The following GLYR1 variants were observed in gnomAD, a reference collection of about 807,000 sequenced individuals.
The protein encoded by GLYR1 is cytokine-like nuclear factor N-PAC.
Under a neutral mutation model 72.7 loss-of-function variants are expected in GLYR1, and 21 were observed. The observed-to-expected ratio is 0.29, with a 90% CI of 0.20 to 0.42. GLYR1 has a LOEUF of 0.42. Among genes scored for constraint, GLYR1 ranks in the 10% least tolerant of loss-of-function variants. The pLI is 1.00. For missense variants in GLYR1, 594 were observed against 712.1 expected (o/e 0.83, Z 1.89); for synonymous variants, 392 against 270.2 (o/e 1.45, Z -4.42).
Position 4,811,221 on chromosome 16 carries a change from C to A in GLYR1, c.1536G>T (p.Ala512=), listed in dbSNP as rs375088153. 19 of 1,614,176 alleles carry A rather than the reference C, an allele frequency of 1.2e-5. No homozygotes were observed. Among genetic ancestry groups the A allele is most frequent in the Non-Finnish European group, 1.5e-5 (18 of 1,180,022 alleles). ...TCGGATGGTTGACCGCATCACCCAG[C>A]GCAATGGCTAAGCGGAGATCCTTCT... ...YIQKDLRLAI[A]LGDAVNHPTP... Residue 512 remains alanine (A), a synonymous_variant, in exon 15 of 16, where the codon GCG becomes GCT. Transcript: ENST00000321919.
chr16:4,808,294 A>G (rs1399060590), intron 15 of GLYR1, among the ~76,000 whole-genome samples: 1 of 151,318 alleles, frequency 6.6e-6, no homozygotes, highest in Non-Finnish European at 1.5e-5. Flanking sequence ...ATGAAAAGCC[A>G]GGTGTCAAAA....
intron 14 of GLYR1, 79 bp downstream of exon 14, chr16:4,811,544 C>A (rs2083322886): frequency 1.3e-6 from 2 of 1,543,360 alleles, no homozygotes; most frequent in Non-Finnish European, 8.9e-7. Context: ...GGGCATCTTT[C>A]ACGCTCACTA....
At chr16:4,813,900 C>T (rs1231221944) in intron 11 of GLYR1, 62 bp from the exon 12 acceptor site, 2 of 1,278,852 alleles carry the variant, frequency 1.6e-6, no homozygotes, top group Non-Finnish European at 2.2e-6. Flanking sequence ...AGGAGCCCTA[C>T]AGACCTCAGA....
rs766547217 is a variant in GLYR1 at position 4,823,808 on chromosome 16, G to C, written c.624+13C>G. The stretch of plus-strand genomic sequence containing the variant: ...AAGCCACAGCTTGTCCTGCCTGCAG[G>C]AGAGCTCCTTACCTCGCTTGCGGTT... On this transcript the variant is annotated intron_variant, in intron 6 of 15. Coordinates refer to ENST00000321919, the MANE Select transcript of GLYR1 (RefSeq NM_032569.4). The C allele has an allele frequency of 6.2e-7, 1 of 1,611,914 alleles. No individual in the cohort carries two copies. Among genetic ancestry groups the C allele is most frequent in the Non-Finnish European group, 8.5e-7 (1 of 1,178,658 alleles).
intron 12 of GLYR1, 123 bp from the exon 13 acceptor site, chr16:4,812,371 C>A: frequency 9.7e-7 from 1 of 1,033,318 alleles, no homozygotes; most frequent in Non-Finnish European, 1.4e-6. Context: ...AGGGGACGGC[C>A]ACCCATACCA....
chr16:4,832,284 A>C, intron 4 of GLYR1, 63 bp from the exon 5 acceptor site: 1 of 1,590,926 alleles, frequency 6.3e-7, no homozygotes, highest in Non-Finnish European at 8.6e-7. Flanking sequence ...CGCCACCATC[A>C]TTTACAGGTG....
intron 13 of GLYR1, 38 bp from the exon 14 acceptor site, chr16:4,811,840 T>G (rs774376541): frequency 1.1e-5 from 17 of 1,590,008 alleles, no homozygotes; most frequent in Admixed American, 1.7e-5. Flanking sequence ...AGCCCAAGAA[T>G]GCCACAGACA....
In GLYR1 at chr16:4,832,230, T is replaced by TTAA; in HGVS notation, c.295-12_295-10dup. ...GAATTGTGGGATGACGTCTGAAAGT[T>TTAA]TAATAATAATAATGATAACTACCAC... On this transcript the variant is annotated splice_polypyrimidine_tract_variant and intron_variant, in intron 4 of 15. Transcript: ENST00000321919. 5 of 1,613,460 alleles carry TTAA rather than the reference T, an allele frequency of 3.1e-6. No individual in the cohort carries two copies. Among genetic ancestry groups the TTAA allele is most frequent in the Non-Finnish European group, 4.2e-6 (5 of 1,179,648 alleles).
At chr16:4,812,271 C>A in intron 12 of GLYR1, 23 bp from the exon 13 acceptor site, 1 of 1,605,254 alleles carries the variant, frequency 6.2e-7, no homozygotes. Flanking sequence ...GTCACAGCTT[C>A]TGGAGGCCTC....
chr16:4,818,359 A>T (rs1016177510), intron 9 of GLYR1, among the ~76,000 whole-genome samples: 1 of 152,064 alleles, frequency 6.6e-6, no homozygotes, highest in African/African-American at 2.4e-5. Context: ...TAGTGGTGCA[A>T]TCATGGCTCA....
chr16:4,817,811 A>T (rs2083745920), intron 9 of GLYR1, 114 bp from the exon 10 acceptor site: 2 of 705,950 alleles, frequency 2.8e-6, no homozygotes, highest in Admixed American at 2.2e-5. Context: ...GGGAATTCAG[A>T]CTGCCAGAAA....
intron 3 of GLYR1, among the ~76,000 whole-genome samples, chr16:4,838,790 T>C (rs1295714511): frequency 1.3e-5 from 2 of 152,108 alleles, no homozygotes; most frequent in South Asian, 2.1e-4. Context: ...GGTTTCACCA[T>C]GTTAGCCAGC....
At chr16:4,843,130 A>G (rs1358944611) in intron 3 of GLYR1, among the ~76,000 whole-genome samples, 3 of 152,230 alleles carry the variant, frequency 2.0e-5, no homozygotes, top group African/African-American at 7.2e-5. Context: ...AAGTGGACAC[A>G]TAACACTGAT....
chr16:4,818,281 C>A (rs2083782232), intron 9 of GLYR1, among the ~76,000 whole-genome samples: 1 of 152,200 alleles, frequency 6.6e-6, no homozygotes, highest in Non-Finnish European at 1.5e-5. Context: ...GCGTGAGCCA[C>A]CATGCCCGGC....
intron 5 of GLYR1, among the ~76,000 whole-genome samples, chr16:4,828,109 A>T (rs2084526761): frequency 6.6e-6 from 1 of 151,304 alleles, no homozygotes; most frequent in African/African-American, 2.4e-5. Context: ...TCGCTCTGTC[A>T]CCCAGGCTGG....
chr16:4,812,666 G>A (rs1370975335), intron 12 of GLYR1, among the ~76,000 whole-genome samples: 4 of 139,164 alleles, frequency 2.9e-5, no homozygotes, highest in Non-Finnish European at 4.7e-5. Context: ...CTAATTTTTT[G>A]TATTTTTAGT....
rs548834405 is a variant in GLYR1, at chr16:4,815,990, C to T, written c.907-1343G>A. Among the ~76,000 whole-genome samples, 6 of 152,058 alleles carry T rather than the reference C, an allele frequency of 3.9e-5. No homozygotes were observed. In the East Asian group the frequency reaches 7.7e-4, roughly 20 times the overall value. ...TAGAGACGGGGTTTCACCGAGGTCT[C>T]GATCTCCTGACCTCGTTATCCCCCA... On this transcript the variant is annotated intron_variant, in intron 10 of 15. Transcript: ENST00000321919.
chr16:4,843,443 C>A, intron 3 of GLYR1: 2 of 1,214,760 alleles, frequency 1.6e-6, no homozygotes, highest in South Asian at 1.5e-5. Flanking sequence ...GCCTGAGGCA[C>A]CATGCCCGGC....
At chr16:4,825,044 T>A (rs1555500863) in intron 5 of GLYR1, among the ~76,000 whole-genome samples, 1 of 152,204 alleles carries the variant, frequency 6.6e-6, no homozygotes, top group Non-Finnish European at 1.5e-5. Context: ...TCCCTGCTAC[T>A]AATACCTAAG....
Sources: gnomAD v4.1 joint callset for allele counts (sites outside exome capture counted in the v4.1 genomes callset) on GRCh38, gnomAD v4.1.1 for gene constraint, MANE v1.5 for transcripts, NCBI Gene and HGNC (gene_info 2026-07-23, HGNC 2026-07-21) for gene names.